The following SCHIP1 variants were observed in gnomAD, a reference collection of about 807,000 sequenced individuals.
SCHIP1 encodes schwannomin interacting protein 1.
SCHIP1 carries 8 observed loss-of-function variants against 29.7 expected under a neutral mutation model. The ratio of observed to expected loss-of-function variants is 0.27; its 90% CI spans 0.16 to 0.49. The LOEUF (loss-of-function observed/expected upper bound fraction) is 0.49, where lower values mean the gene tolerates loss of function less well. Ranked by LOEUF, SCHIP1 falls within the 20% of genes least tolerant of loss-of-function variation. The pLI is 0.99. For missense variants in SCHIP1, 193 were observed against 294.6 expected (o/e 0.66, Z 2.52); for synonymous variants, 76 against 94.9 (o/e 0.80, Z 1.16).
chr3:159,850,257 T>C (rs1712407204), intron 1 of SCHIP1, among the ~76,000 whole-genome samples: 1 of 152,130 alleles, frequency 6.6e-6, no homozygotes, highest in Non-Finnish European at 1.5e-5. Context: ...GTTACACTGC[T>C]ATATAGAAAT....
At chr3:159,477,603 C>T in the SCHIP1 span, among the ~76,000 whole-genome samples, 5 of 152,144 alleles carry the variant, frequency 3.3e-5, no homozygotes, top group Non-Finnish European at 7.4e-5. Context: ...ATTGTCTGTT[C>T]AAGTCCTTTG....
chr3:159,512,339 A>C, the SCHIP1 span, among the ~76,000 whole-genome samples: 2 of 152,308 alleles, frequency 1.3e-5, no homozygotes, highest in East Asian at 3.9e-4. Context: ...TAGAATTGCT[A>C]TAGGTAATAT....
the SCHIP1 span, among the ~76,000 whole-genome samples, chr3:159,623,676 T>C: frequency 0.18 from 27,825 of 152,132 alleles, 7,329 homozygotes; most frequent in African/African-American, 0.58. Context: ...AAACTGCTTC[T>C]TACATTACCT....
At chr3:159,349,758 G>T in the SCHIP1 span, among the ~76,000 whole-genome samples, 1 of 152,150 alleles carries the variant, frequency 6.6e-6, no homozygotes, top group African/African-American at 2.4e-5. Flanking sequence ...GGGTCTTCGG[G>T]TCGGGGTTTG....
chr3:159,462,887 G>A, the SCHIP1 span, among the ~76,000 whole-genome samples: 1 of 152,058 alleles, frequency 6.6e-6, no homozygotes, highest in Non-Finnish European at 1.5e-5. Flanking sequence ...GTCTATGATA[G>A]GGGAAAATTA....
the SCHIP1 span, among the ~76,000 whole-genome samples, chr3:159,661,346 AC>A: frequency 0.086 from 13,009 of 152,144 alleles, 1,646 homozygotes; most frequent in African/African-American, 0.27. Flanking sequence ...GACATAAATG[AC>A]TTTTTTCCTG....
the SCHIP1 span, among the ~76,000 whole-genome samples, chr3:159,296,483 G>C: frequency 6.6e-6 from 1 of 152,100 alleles, no homozygotes; most frequent in Non-Finnish European, 1.5e-5. Context: ...CTTAAAATCT[G>C]CTCTCTCAGG....
chr3:159,541,579 C>T, the SCHIP1 span, among the ~76,000 whole-genome samples: 6 of 151,978 alleles, frequency 3.9e-5, no homozygotes, highest in African/African-American at 1.4e-4. Flanking sequence ...TATCAAATCT[C>T]AGCATGGAAA....
the SCHIP1 span, among the ~76,000 whole-genome samples, chr3:159,277,889 T>G: frequency 6.6e-6 from 1 of 151,598 alleles, no homozygotes. Context: ...CACTCCAGCC[T>G]GGACAACGAG....
the SCHIP1 span, among the ~76,000 whole-genome samples, chr3:159,724,419 C>T: frequency 6.6e-6 from 1 of 152,180 alleles, no homozygotes; most frequent in Non-Finnish European, 1.5e-5. Flanking sequence ...TCCTCTCCCT[C>T]TTCCCTAGAC....
the SCHIP1 span, among the ~76,000 whole-genome samples, chr3:159,341,518 A>G: frequency 0.24 from 36,419 of 151,862 alleles, 4,708 homozygotes; most frequent in African/African-American, 0.33. Flanking sequence ...GGGATTCCTG[A>G]GGGTACCATC....
the SCHIP1 span, among the ~76,000 whole-genome samples, chr3:159,464,220 A>T: frequency 2.0e-5 from 3 of 152,192 alleles, no homozygotes; most frequent in South Asian, 6.2e-4. Context: ...TCCTACTCAC[A>T]GCCTCACCAG....
At chr3:159,316,109 A>G in the SCHIP1 span, among the ~76,000 whole-genome samples, 2 of 151,936 alleles carry the variant, frequency 1.3e-5, no homozygotes, top group African/African-American at 4.8e-5. Context: ...TCAGGTACCT[A>G]GATGGTAGGA....
the SCHIP1 span, among the ~76,000 whole-genome samples, chr3:159,617,726 G>A: frequency 6.6e-6 from 1 of 152,178 alleles, no homozygotes; most frequent in East Asian, 1.9e-4. Flanking sequence ...CCCCTAGGAA[G>A]AGGGTATATA....
At chr3:159,477,622 TTAAC>T in the SCHIP1 span, among the ~76,000 whole-genome samples, 1 of 152,218 alleles carries the variant, frequency 6.6e-6, no homozygotes, top group Non-Finnish European at 1.5e-5. Context: ...TGCCCATTCT[TTAAC>T]TGTGTTATTT....
the SCHIP1 span, among the ~76,000 whole-genome samples, chr3:159,577,955 G>A: frequency 0.014 from 2,152 of 152,248 alleles, 55 homozygotes; most frequent in African/African-American, 0.048. Flanking sequence ...AAAAACAAAA[G>A]TTTTATCCAA....
the SCHIP1 span, among the ~76,000 whole-genome samples, chr3:159,811,734 T>C: frequency 6.6e-6 from 1 of 152,232 alleles, no homozygotes; most frequent in African/African-American, 2.4e-5. Context: ...TTTCCAACTT[T>C]GTTCTTTTTT....
chr3:159,434,466 G>A, the SCHIP1 span, among the ~76,000 whole-genome samples: 2 of 152,106 alleles, frequency 1.3e-5, no homozygotes, highest in African/African-American at 2.4e-5. Context: ...TCTGAAGATG[G>A]TTCATTAGCT....
the SCHIP1 span, among the ~76,000 whole-genome samples, chr3:159,516,566 C>T: frequency 6.6e-6 from 1 of 152,180 alleles, no homozygotes; most frequent in Non-Finnish European, 1.5e-5. Flanking sequence ...TCCAACCCCT[C>T]CTTCCATTCT....
Sources: gnomAD v4.1 joint callset for allele counts (sites outside exome capture counted in the v4.1 genomes callset) on GRCh38, gnomAD v4.1.1 for gene constraint, MANE v1.5 for transcripts, NCBI Gene and HGNC (gene_info 2026-07-23, HGNC 2026-07-21) for gene names.